GLB1: variants seen among roughly 807,000 people sequenced by gnomAD.
The protein encoded by GLB1 is beta-galactosidase.
Under a neutral mutation model 74.0 loss-of-function variants are expected in GLB1, and 56 were observed. That is an observed-to-expected ratio of 0.76 (90% confidence interval 0.61 to 0.94). The LOEUF (loss-of-function observed/expected upper bound fraction) is 0.94, where lower values mean the gene tolerates loss of function less well. Among genes scored for constraint, GLB1 ranks in the 40% least tolerant of loss-of-function variants. GLB1 has a pLI of 0.00. For synonymous variants in GLB1, 323 were observed against 323.6 expected, an observed-to-expected ratio of 1.00 and a Z score of 0.02; for missense variants, 787 against 845.5, an observed-to-expected ratio of 0.93 and a Z score of 0.86.
chr3:33,033,849 G>T (rs1302968054), intron 10 of GLB1: 5 of 456,130 alleles, frequency 1.1e-5, no homozygotes, highest in Non-Finnish European at 1.7e-5. Context: ...CCCTAGAGCA[G>T]TCACGCTGGT....
Position 33,065,450 on chromosome 3 carries a change from A to T in GLB1, c.552+13T>A, listed in dbSNP as rs1348025596. On this transcript the variant is annotated intron_variant, in intron 5 of 15. Coordinates refer to ENST00000307363, the MANE Select transcript of GLB1 (RefSeq NM_000404.4). ...CCCTCCCCCAATCCATCCATGCTCAACTCCAGGGTTACCTGCACTGTTATA... is the reference window on the plus strand; with the variant it reads ...CCCTCCCCCAATCCATCCATGCTCATCTCCAGGGTTACCTGCACTGTTATA... 1.3e-6 allele frequency: 2 copies of T among 1,570,776 alleles called. No homozygotes were observed. Among genetic ancestry groups the T allele is most frequent in the Non-Finnish European group, 1.7e-6 (2 of 1,155,412 alleles).
At chr3:33,051,175 G>A (rs939657639) in intron 9 of GLB1, among the ~76,000 whole-genome samples, 1 of 146,780 alleles carries the variant, frequency 6.8e-6, no homozygotes, top group African/African-American at 2.5e-5. Flanking sequence ...AGAGCTTGCA[G>A]TGAGCCAAGA....
intron 15 of GLB1, among the ~76,000 whole-genome samples, chr3:33,004,429 C>G (rs1696704333): frequency 6.6e-6 from 1 of 152,242 alleles, no homozygotes; most frequent in African/African-American, 2.4e-5. Context: ...CAGAAGCTAA[C>G]TGATACACAT....
chr3:32,968,790 C>CTTGTATGTCCACAA, the GLB1 span, among the ~76,000 whole-genome samples: 1 of 152,192 alleles, frequency 6.6e-6, no homozygotes. Context: ...AGCTTTTCTT[C>CTTGTATGTCCACAA]TTGTATGTCC....
At chr3:32,977,352 C>A in the GLB1 span, among the ~76,000 whole-genome samples, 916 of 151,860 alleles carry the variant, frequency 6.0e-3, 10 homozygotes, top group African/African-American at 0.021. Context: ...ATTACAGGCG[C>A]CCACCACCAC....
At position 33,072,503 on chromosome 3, in the gene GLB1, G is replaced by T. The variant is rs567621946; in HGVS notation, c.245+41C>A. ...CAGTTGTATCTTCTCTCCAGAGTGG[G>T]TGTTCAGGCCTAGGTGAGAGCCACA... On this transcript the variant is annotated intron_variant, in intron 2 of 15. Coordinates refer to ENST00000307363, the MANE Select transcript of GLB1 (RefSeq NM_000404.4). 2.8e-5 allele frequency: 45 copies of T among 1,611,978 alleles called. No homozygotes were observed. The East Asian group carries it at 8.2e-4, about 30-fold the overall frequency.
chr3:33,068,439 G>A (rs1699773601), intron 3 of GLB1, 149 bp from the exon 4 acceptor site: 1 of 1,112,948 alleles, frequency 9.0e-7, no homozygotes, highest in South Asian at 1.6e-5. Flanking sequence ...ATAACTTGCA[G>A]AGAAATTAGA....
the GLB1 span, among the ~76,000 whole-genome samples, chr3:32,964,726 C>T: frequency 1.3e-5 from 2 of 152,134 alleles, no homozygotes; most frequent in African/African-American, 4.8e-5. Flanking sequence ...AAACTTTGGT[C>T]CATAAAACGA....
At chr3:33,070,370 T>C (rs554392779) in intron 2 of GLB1, among the ~76,000 whole-genome samples, 6 of 152,288 alleles carry the variant, frequency 3.9e-5, no homozygotes, top group African/African-American at 1.2e-4. Flanking sequence ...GAGAAAGATA[T>C]GGTGTAGAAC....
At chr3:32,969,691 G>A in the GLB1 span, among the ~76,000 whole-genome samples, 2 of 152,210 alleles carry the variant, frequency 1.3e-5, no homozygotes, top group African/African-American at 4.8e-5. Flanking sequence ...AAATTCTCCA[G>A]TGGGAGGCTA....
downstream of GLB1, among the ~76,000 whole-genome samples, chr3:32,995,211 TCCAC>T (rs1420133899): frequency 2.1e-4 from 32 of 152,228 alleles, no homozygotes; most frequent in African/African-American, 7.0e-4. Flanking sequence ...GCAACCACAC[TCCAC>T]TGCTCGTGCC....
At chr3:33,092,814 G>A (rs1354785484) in intron 1 of GLB1, 2 of 1,571,604 alleles carry the variant, frequency 1.3e-6, no homozygotes, top group Non-Finnish European at 1.7e-6. Context: ...CAGGGCAGAG[G>A]TGCACAGGGC....
intron 2 of GLB1, 45 bp downstream of exon 2, chr3:33,072,499 G>A (rs764381270): frequency 1.2e-6 from 2 of 1,611,838 alleles, no homozygotes; most frequent in Non-Finnish European, 1.7e-6. Context: ...TCTCTCCAGA[G>A]TGGGTGTTCA....
chr3:33,081,081 G>A (rs1314600354), intron 1 of GLB1, among the ~76,000 whole-genome samples: 1 of 152,208 alleles, frequency 6.6e-6, no homozygotes, highest in Admixed American at 6.5e-5. Flanking sequence ...TCATTGAAAG[G>A]AGTGTGAGGT....
At chr3:33,072,751 C>T in intron 1 of GLB1, 38 bp from the exon 2 acceptor site, 2 of 1,613,472 alleles carry the variant, frequency 1.2e-6, no homozygotes, top group Non-Finnish European at 1.7e-6. Flanking sequence ...GAACTTCCAC[C>T]TTCTGCATTT....
chr3:32,971,063 ACGGAGAACCACAAAT>A, the GLB1 span, among the ~76,000 whole-genome samples: 3 of 152,210 alleles, frequency 2.0e-5, no homozygotes, highest in Non-Finnish European at 2.9e-5. Context: ...AAACATCTGT[ACGGAGAACCACAAAT>A]CGGATGCCCG....
In GLB1 at chr3:33,070,487, A is replaced by T. The variant is rs117442660; in HGVS notation, c.246-1517T>A. 3.1e-3 allele frequency among the ~76,000 whole-genome samples: 465 copies of T among 152,276 alleles called. 7 individuals carry two copies. The South Asian group carries it at 0.041, about 14-fold the overall frequency. On this transcript the variant is annotated intron_variant, in intron 2 of 15. Coordinates refer to ENST00000307363, the MANE Select transcript of GLB1 (RefSeq NM_000404.4). ...CAAGCTAGTCAGACTTCATGGGGACACTTCTTAAAATCAACAACAACAACA... is the reference window on the plus strand; with the variant it reads ...CAAGCTAGTCAGACTTCATGGGGACTCTTCTTAAAATCAACAACAACAACA...
At position 33,026,074 on chromosome 3, in the gene GLB1, G is replaced by A. The variant is rs537071106; in HGVS notation, c.1069-1749C>T. Among the ~76,000 whole-genome samples, 4 of 152,258 alleles carry A rather than the reference G, an allele frequency of 2.6e-5. No homozygotes were observed. The East Asian group carries it at 7.7e-4, about 29-fold the overall frequency. On this transcript the variant is annotated intron_variant, in intron 10 of 15. Coordinates refer to ENST00000307363, the MANE Select transcript of GLB1 (RefSeq NM_000404.4). ...GCCCCGAGGTAGAGCTGTGCCCGGG[G>A]CAGTGCCACGATCCATGGAGCCAAG...
chr3:33,050,955 G>A (rs1295878095), intron 9 of GLB1, among the ~76,000 whole-genome samples: 3 of 152,132 alleles, frequency 2.0e-5, no homozygotes, highest in Admixed American at 6.5e-5. Flanking sequence ...TTGTCCAGGC[G>A]CAGTGGCTCA....
Sources: allele counts gnomAD v4.1 joint callset (sites outside exome capture counted in the v4.1 genomes callset), GRCh38; gene constraint gnomAD v4.1.1; transcripts MANE v1.5; gene names NCBI Gene and HGNC (gene_info 2026-07-23, HGNC 2026-07-21).